The following ADAMTS18 variants were observed in gnomAD, a reference collection of about 807,000 sequenced individuals.
ADAMTS18 encodes the protein ADAM metallopeptidase with thrombospondin type 1 motif 18.
In ADAMTS18, 157 loss-of-function variants were observed where a neutral mutation model predicts 165.9. That is an observed-to-expected ratio of 0.95 (90% confidence interval 0.83 to 1.08). ADAMTS18 has a LOEUF of 1.08. Ranked by LOEUF, ADAMTS18 falls within the 50% of genes least tolerant of loss-of-function variation. The pLI, the probability that ADAMTS18 is intolerant of heterozygous loss-of-function variation, is 0.00. For missense variants in ADAMTS18, 2,040 were observed against 1,534.0 expected (o/e 1.33, Z -5.51); for synonymous variants, 782 against 578.2 (o/e 1.35, Z -5.06).
intron 3 of ADAMTS18, among the ~76,000 whole-genome samples, chr16:77,385,011 G>C (rs1307245622): frequency 2.0e-5 from 3 of 151,414 alleles, no homozygotes; most frequent in Non-Finnish European, 4.4e-5. Flanking sequence ...CCAGGTTCAA[G>C]CATTCTCCTG....
chr16:77,428,126 C>A (rs145489950), intron 3 of ADAMTS18, among the ~76,000 whole-genome samples: 66 of 152,232 alleles, frequency 4.3e-4, no homozygotes, highest in African/African-American at 1.4e-3. Flanking sequence ...TGGTCTGGCC[C>A]CACTCAGAGA....
Position 77,402,896 on chromosome 16 carries a change from A to G in ADAMTS18, c.495+28399T>C, listed in dbSNP as rs190717632. ...TTTGTGTCCAGCTTCCTCATGGGAA[A>G]TGCCCCAAATGTCACTGAAACACAA... On this transcript the variant is annotated intron_variant, in intron 3 of 22. Transcript: ENST00000282849. 5.9e-5 allele frequency among the ~76,000 whole-genome samples: 9 copies of G among 152,322 alleles called. No homozygotes were observed. The East Asian group carries it at 1.7e-3, about 29-fold the overall frequency.
At chr16:77,400,600 G>C (rs2057318219) in intron 3 of ADAMTS18, among the ~76,000 whole-genome samples, 1 of 151,578 alleles carries the variant, frequency 6.6e-6, no homozygotes, top group Non-Finnish European at 1.5e-5. Flanking sequence ...TCCTGCCTCA[G>C]CCTCCTAAGT....
intron 18 of ADAMTS18, 144 bp from the exon 19 acceptor site, chr16:77,295,271 A>C: frequency 1.2e-6 from 1 of 816,784 alleles, no homozygotes; most frequent in Non-Finnish European, 2.0e-6. Flanking sequence ...TTGTTCTTTG[A>C]GGGATCCAGA....
chr16:77,398,796 C>T (rs1310218185), intron 3 of ADAMTS18, among the ~76,000 whole-genome samples: 1 of 152,130 alleles, frequency 6.6e-6, no homozygotes, highest in Non-Finnish European at 1.5e-5. Flanking sequence ...CCATGGTTGA[C>T]AGCTACTGTT....
chr16:77,367,827 G>C lies in ADAMTS18; in HGVS notation c.496-104C>G, dbSNP rs937507905. 33 of 1,340,580 alleles carry C rather than the reference G, an allele frequency of 2.5e-5. 1 individual carries two copies. In the African/African-American group the frequency reaches 4.5e-4, roughly 18 times the overall value. 83.0% of individuals were successfully genotyped at this position (1,340,580 alleles called of 1,614,324 possible). On this transcript the variant is annotated intron_variant, in intron 3 of 22. Transcript: ENST00000282849. ...TGACTAATTCCTGTATGTGGGCACA[G>C]GAGCTAAAAGCTTCACACATATTGC...
At chr16:77,293,956 G>C (rs2055417617) in intron 19 of ADAMTS18, among the ~76,000 whole-genome samples, 1 of 151,778 alleles carries the variant, frequency 6.6e-6, no homozygotes, top group Non-Finnish European at 1.5e-5. Flanking sequence ...GGACCCTTGT[G>C]CTAACAGATA....
At chr16:77,324,659 G>A (rs895874977) in intron 13 of ADAMTS18, among the ~76,000 whole-genome samples, 4 of 152,142 alleles carry the variant, frequency 2.6e-5, no homozygotes, top group African/African-American at 7.2e-5. Flanking sequence ...ACAATATGAA[G>A]GAAGAATATG....
intron 3 of ADAMTS18, among the ~76,000 whole-genome samples, chr16:77,430,889 A>T (rs957111452): frequency 2.0e-5 from 3 of 152,212 alleles, no homozygotes; most frequent in African/African-American, 7.2e-5. Context: ...TGATCTTACC[A>T]GTGCTGCTGA....
intron 22 of ADAMTS18, among the ~76,000 whole-genome samples, chr16:77,288,617 T>C (rs2055301739): frequency 6.6e-6 from 1 of 152,184 alleles, no homozygotes. Flanking sequence ...CACTGATGAC[T>C]ATTACTTTTG....
intron 10 of ADAMTS18, among the ~76,000 whole-genome samples, chr16:77,348,172 A>T (rs1272132525): frequency 6.6e-6 from 1 of 152,016 alleles, no homozygotes; most frequent in Non-Finnish European, 1.5e-5. Flanking sequence ...TTTAACTTCA[A>T]TTTCCTTTCT....
intron 11 of ADAMTS18, among the ~76,000 whole-genome samples, chr16:77,340,159 C>T (rs187318969): frequency 6.6e-6 from 1 of 152,068 alleles, no homozygotes; most frequent in Admixed American, 6.5e-5. Flanking sequence ...GTTTCCCCTG[C>T]TAGACTGTAA....
At chr16:77,425,698 C>A (rs565226969) in intron 3 of ADAMTS18, among the ~76,000 whole-genome samples, 1 of 152,140 alleles carries the variant, frequency 6.6e-6, no homozygotes, top group Non-Finnish European at 1.5e-5. Flanking sequence ...GCTCTTTTAG[C>A]GTGAACCGCA....
chr16:77,361,001 A>T lies in ADAMTS18; in HGVS notation c.1216+1104T>A, dbSNP rs763824858. On this transcript the variant is annotated intron_variant, in intron 7 of 22. Transcript: ENST00000282849. ...CTCTGGAGGCTGAGGCAGGAGAATC[A>T]CTTGAACATGGGAGGCAGAGGTTGC... Among the ~76,000 whole-genome samples, 134 of 152,216 alleles carry T rather than the reference A, an allele frequency of 8.8e-4. 2 individuals are homozygous for T. Among genetic ancestry groups the T allele is most frequent in the Non-Finnish European group, 3.2e-4 (22 of 68,006 alleles).
intron 15 of ADAMTS18, among the ~76,000 whole-genome samples, chr16:77,320,493 G>T (rs1000200171): frequency 6.6e-5 from 10 of 152,072 alleles, no homozygotes; most frequent in African/African-American, 2.2e-4. Context: ...ACAAAAATTA[G>T]CTGGACATGG....
rs546247979 is a variant in ADAMTS18, at chr16:77,329,342, A to G, written c.1860-3304T>C. On this transcript the variant is annotated intron_variant, in intron 12 of 22. Coordinates refer to ENST00000282849, the MANE Select transcript of ADAMTS18 (RefSeq NM_199355.4). Reference sequence around the variant, plus strand: ...GGTCTCAAACTCCTGGCCTCAAGCAATCCTTCTGCCTTGGCCTTCCCAAGT... The same window carrying G: ...GGTCTCAAACTCCTGGCCTCAAGCAGTCCTTCTGCCTTGGCCTTCCCAAGT... Among the ~76,000 whole-genome samples the G allele has an allele frequency of 9.2e-5, 14 of 152,236 alleles. No homozygotes were observed. In the South Asian group the frequency reaches 2.3e-3, roughly 25 times the overall value.
At chr16:77,412,220 C>T (rs1361737843) in intron 3 of ADAMTS18, among the ~76,000 whole-genome samples, 2 of 152,224 alleles carry the variant, frequency 1.3e-5, no homozygotes, top group African/African-American at 4.8e-5. Context: ...TGCCTTCTAA[C>T]TCAGACTGTA....
intron 16 of ADAMTS18, among the ~76,000 whole-genome samples, chr16:77,314,610 C>T (rs1400217173): frequency 1.6e-5 from 1 of 61,810 alleles, no homozygotes; most frequent in Non-Finnish European, 3.3e-5. Flanking sequence ...AAAACTCTGT[C>T]TCAAAAAAAA....
At chr16:77,350,942 A>C (rs1173227578) in intron 10 of ADAMTS18, among the ~76,000 whole-genome samples, 1 of 152,190 alleles carries the variant, frequency 6.6e-6, no homozygotes, top group African/African-American at 2.4e-5. Context: ...GGAAAAAAAA[A>C]AGTAAAGTGA....
Sources: gnomAD v4.1 joint callset for allele counts (sites outside exome capture counted in the v4.1 genomes callset) on GRCh38, gnomAD v4.1.1 for gene constraint, MANE v1.5 for transcripts, NCBI Gene and HGNC (gene_info 2026-07-23, HGNC 2026-07-21) for gene names.